Variants in PTPRG observed in about 807,000 individuals in gnomAD.
The protein encoded by PTPRG is receptor-type tyrosine-protein phosphatase gamma.
A neutral mutation model predicts 165.3 loss-of-function variants in PTPRG; 102 were observed. That is an observed-to-expected ratio of 0.62 (90% CI 0.53 to 0.73). The LOEUF (loss-of-function observed/expected upper bound fraction) is 0.73. PTPRG is among the 30% of genes least tolerant of loss of function. The pLI is 0.00. For synonymous variants in PTPRG, 675 were observed against 669.5 expected (o/e 1.01, Z -0.13); for missense variants, 1,866 against 1,861.4 (o/e 1.00, Z -0.05).
At chr3:61,905,742 A>G (rs927494002) in intron 2 of PTPRG, among the ~76,000 whole-genome samples, 1 of 152,226 alleles carries the variant, frequency 6.6e-6, no homozygotes, top group East Asian at 1.9e-4. Context: ...GGTGGGATAA[A>G]CAGGGACAGC....
chr3:61,931,699 T>G (rs1320662211), intron 2 of PTPRG, among the ~76,000 whole-genome samples: 29 of 152,208 alleles, frequency 1.9e-4, no homozygotes, highest in Admixed American at 1.9e-3. Context: ...TACTTTCTGG[T>G]GGCTTCAAAG....
At chr3:61,630,831 G>A (rs1161198979) in intron 1 of PTPRG, among the ~76,000 whole-genome samples, 1 of 152,110 alleles carries the variant, frequency 6.6e-6, no homozygotes, top group Non-Finnish European at 1.5e-5. Context: ...GCAGAGGCGG[G>A]CAGATCATGA....
intron 1 of PTPRG, among the ~76,000 whole-genome samples, chr3:61,746,658 C>T (rs755021090): frequency 1.2e-4 from 18 of 152,108 alleles, no homozygotes; most frequent in Non-Finnish European, 2.4e-4. Flanking sequence ...CCAGTGTGCC[C>T]ATACCTGAAT....
intron 4 of PTPRG, among the ~76,000 whole-genome samples, chr3:62,067,605 A>G (rs1701059393): frequency 6.6e-6 from 1 of 152,166 alleles, no homozygotes; most frequent in South Asian, 2.1e-4. Context: ...GTTTTCTTGC[A>G]AGTAGATGGT....
At chr3:62,215,555 C>A (rs1051547094) in intron 12 of PTPRG, among the ~76,000 whole-genome samples, 1 of 143,960 alleles carries the variant, frequency 6.9e-6, no homozygotes, top group East Asian at 2.0e-4. Context: ...AACCCCCCCC[C>A]CCCGCCAATT....
At chr3:61,578,852 TC>T (rs1700222130) in intron 1 of PTPRG, among the ~76,000 whole-genome samples, 1 of 152,198 alleles carries the variant, frequency 6.6e-6, no homozygotes, top group South Asian at 2.1e-4. Flanking sequence ...TGGAAATACT[TC>T]CTTCCCAGGG....
rs147821651 is a variant in PTPRG at position 61,907,853 on chromosome 3, C to T, written c.191-81772C>T. Among the ~76,000 whole-genome samples, 885 of 152,166 alleles carry T rather than the reference C, an allele frequency of 5.8e-3. 6 individuals carry two copies. Among genetic ancestry groups the T allele is most frequent in the African/African-American group, 0.019 (808 of 41,502 alleles). On this transcript the variant is annotated intron_variant, in intron 2 of 29. Transcript: ENST00000474889. Reference sequence around the variant, plus strand: ...AAAGTCAGTATTTTGGAACTGGATGCAGCGGCTCATACCTGTAATCCCAGC... The same window carrying T: ...AAAGTCAGTATTTTGGAACTGGATGTAGCGGCTCATACCTGTAATCCCAGC...
chr3:61,871,097 C>T (rs1258316247), intron 2 of PTPRG, among the ~76,000 whole-genome samples: 1 of 150,498 alleles, frequency 6.6e-6, no homozygotes, highest in Non-Finnish European at 1.5e-5. Flanking sequence ...ATTCCATTTT[C>T]CCTACATTCC....
At position 62,190,688 on chromosome 3, in the gene PTPRG, A is replaced by C. The variant is rs539697370; in HGVS notation, c.1034-781A>C. Among the ~76,000 whole-genome samples, 623 of 152,248 alleles carry C rather than the reference A, an allele frequency of 4.1e-3. 3 individuals are homozygous for C. Among genetic ancestry groups the C allele is most frequent in the African/African-American group, 0.014 (600 of 41,530 alleles). ...TAAAATTATTTAAAGTCTCATCTTAAATTTATTTATTTACACTCGGACCTG... is the reference window on the plus strand; with the variant it reads ...TAAAATTATTTAAAGTCTCATCTTACATTTATTTATTTACACTCGGACCTG... On this transcript the variant is annotated intron_variant, in intron 8 of 29. Coordinates refer to ENST00000474889, the MANE Select transcript of PTPRG (RefSeq NM_002841.4). The surrounding 1 kb of genome is among the most constrained non-coding windows in gnomAD (Gnocchi z 5.2).
At chr3:61,874,244 T>C (rs1279837701) in intron 2 of PTPRG, among the ~76,000 whole-genome samples, 8 of 152,186 alleles carry the variant, frequency 5.3e-5, no homozygotes, top group Non-Finnish European at 1.2e-4. Flanking sequence ...CTTGAGACTT[T>C]AGGGTGGCCT....
At chr3:62,218,645 T>C (rs1700571155) in intron 12 of PTPRG, among the ~76,000 whole-genome samples, 2 of 152,200 alleles carry the variant, frequency 1.3e-5, no homozygotes, top group African/African-American at 4.8e-5. Flanking sequence ...AATTACAGAA[T>C]GCAGCCCATA....
At chr3:61,888,403 G>A (rs1042846722) in intron 2 of PTPRG, among the ~76,000 whole-genome samples, 25 of 151,904 alleles carry the variant, frequency 1.6e-4, no homozygotes, top group Non-Finnish European at 2.2e-4. Flanking sequence ...GTGCAATCTA[G>A]GCTCACTGCA....
At position 61,761,337 on chromosome 3, in the gene PTPRG, G is replaced by T. The variant is rs1188416710; in HGVS notation, c.190+12355G>T. Among the ~76,000 whole-genome samples, 7 of 152,184 alleles carry T rather than the reference G, an allele frequency of 4.6e-5. No homozygotes were observed. The East Asian group carries it at 1.3e-3, about 29-fold the overall frequency. On this transcript the variant is annotated intron_variant, in intron 2 of 29. Coordinates refer to ENST00000474889, the MANE Select transcript of PTPRG (RefSeq NM_002841.4). ...CACGCCTGTAATCCCAGCAGTTTGG[G>T]AGGTTGAGGTGGGCAGATCACTTGA... is the stretch of plus-strand genomic sequence containing the variant.
intron 2 of PTPRG, among the ~76,000 whole-genome samples, chr3:61,962,288 A>G (rs1378864715): frequency 6.6e-6 from 1 of 152,200 alleles, no homozygotes. Flanking sequence ...TTATTGCTTG[A>G]AGTATAAGCA....
intron 5 of PTPRG, among the ~76,000 whole-genome samples, chr3:62,117,194 C>A: frequency 6.6e-6 from 1 of 152,026 alleles, no homozygotes; most frequent in East Asian, 1.9e-4. Flanking sequence ...TTTAAGGAGG[C>A]AATGAAGCAT....
chr3:61,813,766 C>G (rs956943817), intron 2 of PTPRG, among the ~76,000 whole-genome samples: 28 of 152,008 alleles, frequency 1.8e-4, no homozygotes, highest in African/African-American at 6.3e-4. Context: ...TGTTAATATT[C>G]TCATGTGACA....
rs190485662 is a variant in PTPRG, at chr3:61,599,606, A to G, written c.85+37234A>G. Among the ~76,000 whole-genome samples, 9 of 151,490 alleles carry G rather than the reference A, an allele frequency of 5.9e-5. No homozygotes were observed. The East Asian group carries it at 1.8e-3, about 30-fold the overall frequency. On this transcript the variant is annotated intron_variant, in intron 1 of 29. Transcript: ENST00000474889. ...TTCCTGGGCTCAAGTGGTCCTCCCA[A>G]CTTAGGTTCCCAAGTAGCGGGGACT...
At chr3:61,604,466 T>C (rs1700946789) in intron 1 of PTPRG, among the ~76,000 whole-genome samples, 1 of 152,224 alleles carries the variant, frequency 6.6e-6, no homozygotes, top group South Asian at 2.1e-4. Context: ...CCAGCTCAGA[T>C]CATACAAATA....
At chr3:61,735,716 A>AT (rs1286464538) in intron 1 of PTPRG, among the ~76,000 whole-genome samples, 1 of 152,184 alleles carries the variant, frequency 6.6e-6, no homozygotes, top group Non-Finnish European at 1.5e-5. Flanking sequence ...ATGCATGATT[A>AT]TAGAGCCATC....
Sources: allele counts gnomAD v4.1 joint callset (sites outside exome capture counted in the v4.1 genomes callset), GRCh38; gene constraint gnomAD v4.1.1; non-coding constraint Gnocchi (gnomAD v3.1); transcripts MANE v1.5; gene names NCBI Gene and HGNC (gene_info 2026-07-23, HGNC 2026-07-21).